BNC2: variants seen among roughly 807,000 people sequenced by gnomAD.
BNC2 encodes basonuclin zinc finger protein 2, also known as zinc finger protein basonuclin-2.
In BNC2, 20 loss-of-function variants were observed where a neutral mutation model predicts 76.3. That is an observed-to-expected ratio of 0.26 (90% CI 0.18 to 0.38). The LOEUF (loss-of-function observed/expected upper bound fraction) is 0.38. Ranked by LOEUF, BNC2 falls within the 10% of genes least tolerant of loss-of-function variation. The probability of loss-of-function intolerance (pLI) is 1.00; values close to 1 mark genes in which losing one functional copy is unlikely to be tolerated. For missense variants in BNC2, 1,382 were observed against 1,399.8 expected (o/e 0.99, Z 0.20); for synonymous variants, 582 against 514.8 (o/e 1.13, Z -1.77).
At chr9:16,730,123 AC>A (rs1413622866) in intron 2 of BNC2, among the ~76,000 whole-genome samples, 1 of 151,726 alleles carries the variant, frequency 6.6e-6, no homozygotes, top group Non-Finnish European at 1.5e-5. Flanking sequence ...CACTAACAAC[AC>A]AAAAATCAAC....
intron 1 of BNC2, among the ~76,000 whole-genome samples, chr9:16,829,418 T>C (rs766646499): frequency 6.6e-6 from 1 of 152,202 alleles, no homozygotes; most frequent in South Asian, 2.1e-4. Context: ...ACATTCCTGA[T>C]CCGAATATGT....
chr9:16,751,172 T>TA (rs111393012), intron 1 of BNC2, among the ~76,000 whole-genome samples: 7,181 of 146,658 alleles, frequency 0.049, 579 homozygotes, highest in African/African-American at 0.17. Flanking sequence ...CACTGAAGTC[T>TA]AAAAAAAAAC....
intron 1 of BNC2, among the ~76,000 whole-genome samples, chr9:16,768,101 G>A (rs1281658492): frequency 6.6e-6 from 1 of 151,940 alleles, no homozygotes; most frequent in East Asian, 1.9e-4. Flanking sequence ...GAGTAGCTGG[G>A]ATTATAGGCA....
At chr9:16,662,551 T>C (rs1822139908) in intron 3 of BNC2, among the ~76,000 whole-genome samples, 1 of 152,044 alleles carries the variant, frequency 6.6e-6, no homozygotes, top group Non-Finnish European at 1.5e-5. Context: ...GCCTGGCCAA[T>C]ATGGTGAAAC....
At chr9:16,547,275 G>C (rs1479222384) in intron 5 of BNC2, among the ~76,000 whole-genome samples, 2 of 152,206 alleles carry the variant, frequency 1.3e-5, no homozygotes, top group East Asian at 3.9e-4. Flanking sequence ...GAAGGCATGG[G>C]AGCCTTTACT....
At chr9:16,545,849 G>C (rs746631728) in intron 5 of BNC2, among the ~76,000 whole-genome samples, 1 of 152,096 alleles carries the variant, frequency 6.6e-6, no homozygotes, top group Non-Finnish European at 1.5e-5. Context: ...TCTACGATCC[G>C]AGAAAATGGC....
At chr9:16,524,650 G>A (rs1160183347) in intron 5 of BNC2, among the ~76,000 whole-genome samples, 1 of 152,084 alleles carries the variant, frequency 6.6e-6, no homozygotes, top group African/African-American at 2.4e-5. Context: ...GTAAATAAAT[G>A]TCATTAAAAT....
chr9:16,503,114 A>G (rs899170291), intron 5 of BNC2, among the ~76,000 whole-genome samples: 7 of 152,216 alleles, frequency 4.6e-5, no homozygotes, highest in African/African-American at 1.7e-4. Context: ...TACAGAGAGT[A>G]TTTGAAAGAA....
chr9:16,832,476 T>C (rs532393991), intron 1 of BNC2: 2 of 178,628 alleles, frequency 1.1e-5, no homozygotes, highest in African/African-American at 4.8e-5. Context: ...AGGCAATAGA[T>C]GACATTAATT....
At chr9:16,602,393 A>C (rs1820266124) in intron 3 of BNC2, among the ~76,000 whole-genome samples, 2 of 152,206 alleles carry the variant, frequency 1.3e-5, no homozygotes, top group African/African-American at 4.8e-5. Flanking sequence ...TAAGGTGAAA[A>C]TACTTTCTAA....
intron 3 of BNC2, among the ~76,000 whole-genome samples, chr9:16,662,194 A>T (rs1563885855): frequency 6.6e-6 from 1 of 152,250 alleles, no homozygotes; most frequent in South Asian, 2.1e-4. Context: ...CAGAATAGAT[A>T]TTCTGGTCCT....
At chr9:16,446,520 G>A (rs115314387) in intron 5 of BNC2, among the ~76,000 whole-genome samples, 1 of 151,898 alleles carries the variant, frequency 6.6e-6, no homozygotes, top group African/African-American at 2.4e-5. Context: ...ATTTTTAAAA[G>A]AAGTAATGTA....
intron 1 of BNC2, among the ~76,000 whole-genome samples, chr9:16,792,068 C>G (rs1221833544): frequency 1.3e-5 from 2 of 149,488 alleles, no homozygotes; most frequent in Non-Finnish European, 3.0e-5. Flanking sequence ...TGCCACTGTA[C>G]TCCAGCCTGG....
chr9:16,616,862 C>T lies in BNC2; in HGVS notation c.331-33777G>A, dbSNP rs79979887. On this transcript the variant is annotated intron_variant, in intron 3 of 6. Coordinates refer to ENST00000380672, the MANE Select transcript of BNC2 (RefSeq NM_017637.6). Reference sequence around the variant, plus strand: ...AAGTTCTACTGACACGTGGGAATTTCGTAGGTGGCTCTCTATAGCATTTCA... The same window carrying T: ...AAGTTCTACTGACACGTGGGAATTTTGTAGGTGGCTCTCTATAGCATTTCA... Among the ~76,000 whole-genome samples the T allele has an allele frequency of 6.7e-3, 832 of 125,034 alleles. 10 individuals carry two copies. The highest frequency in any genetic ancestry group is 0.023 in the African/African-American group (798 of 34,120). The allele number at this position is 125,034 out of a possible 152,430, so 82.0% of individuals were successfully genotyped here.
chr9:16,649,746 T>C (rs970281238), intron 3 of BNC2, among the ~76,000 whole-genome samples: 1 of 152,198 alleles, frequency 6.6e-6, no homozygotes, highest in African/African-American at 2.4e-5. Context: ...TTGTTCCAGA[T>C]GATACGTCAA....
At chr9:16,593,400 A>G (rs1051136396) in intron 3 of BNC2, among the ~76,000 whole-genome samples, 11 of 152,092 alleles carry the variant, frequency 7.2e-5, no homozygotes, top group African/African-American at 2.2e-4. Context: ...CCTACTATCA[A>G]TCGATATAAG....
intron 5 of BNC2, among the ~76,000 whole-genome samples, chr9:16,442,660 A>G (rs552691238): frequency 6.6e-6 from 1 of 152,328 alleles, no homozygotes; most frequent in South Asian, 2.1e-4. Flanking sequence ...GCTCAGTCCA[A>G]CAAGGAGCCC....
chr9:16,577,015 C>T (rs1019924831), intron 4 of BNC2, among the ~76,000 whole-genome samples: 2 of 152,148 alleles, frequency 1.3e-5, no homozygotes, highest in African/African-American at 4.8e-5. Context: ...GGATTACAGG[C>T]GTGAGCCACC....
intron 1 of BNC2, among the ~76,000 whole-genome samples, chr9:16,817,064 C>T (rs1485999681): frequency 6.6e-6 from 1 of 152,170 alleles, no homozygotes; most frequent in African/African-American, 2.4e-5. Context: ...TGCATTCCAG[C>T]TCACTTTTCC....
Sources: allele counts gnomAD v4.1 joint callset (sites outside exome capture counted in the v4.1 genomes callset), GRCh38; gene constraint gnomAD v4.1.1; transcripts MANE v1.5; gene names NCBI Gene and HGNC (gene_info 2026-07-23, HGNC 2026-07-21).